Variants in TBX15 observed in about 807,000 individuals in gnomAD.
TBX15 encodes T-box transcription factor TBX15.
In TBX15, 18 loss-of-function variants were observed where a neutral mutation model predicts 53.9. That is an observed-to-expected ratio of 0.33 (90% CI 0.23 to 0.49). The LOEUF is 0.49. Among genes scored for constraint, TBX15 ranks in the 20% least tolerant of loss-of-function variants. TBX15 has a pLI of 0.98. For synonymous variants in TBX15, 295 were observed against 278.0 expected, an observed-to-expected ratio of 1.06 and a Z score of -0.61; for missense variants, 692 against 749.5, an observed-to-expected ratio of 0.92 and a Z score of 0.90.
chr1:118,926,204 C>A (rs1235008210), intron 3 of TBX15, among the ~76,000 whole-genome samples: 2 of 152,188 alleles, frequency 1.3e-5, no homozygotes, highest in Admixed American at 6.5e-5. Flanking sequence ...ATTTCACAAA[C>A]CAAATTATTC....
intron 4 of TBX15, 33 bp from the exon 5 acceptor site, chr1:118,923,636 G>T: frequency 6.2e-7 from 1 of 1,613,492 alleles, no homozygotes; most frequent in South Asian, 1.1e-5. Flanking sequence ...ACCAGGCTTG[G>T]CTTTAAGGAA....
At chr1:118,938,162 C>T (rs1048898565) in intron 1 of TBX15, among the ~76,000 whole-genome samples, 7 of 152,052 alleles carry the variant, frequency 4.6e-5, no homozygotes, top group Non-Finnish European at 4.4e-5. Flanking sequence ...AACTATAACC[C>T]GGGATGGATT....
At chr1:118,989,485 A>G (rs955841030), upstream of TBX15, 1 of 152,152 alleles carries the variant, frequency 6.6e-6, no homozygotes, top group African/African-American at 2.4e-5. Flanking sequence ...AGCGGCCTAG[A>G]CACAGCCCGA....
intron 6 of TBX15, among the ~76,000 whole-genome samples, chr1:118,905,515 C>T (rs1037828777): frequency 6.6e-6 from 1 of 152,166 alleles, no homozygotes; most frequent in Non-Finnish European, 1.5e-5. Flanking sequence ...ACAGCTATGG[C>T]CTGCATGAAA....
At chr1:118,960,231 T>A (rs925405240) in intron 1 of TBX15, among the ~76,000 whole-genome samples, 3 of 152,176 alleles carry the variant, frequency 2.0e-5, no homozygotes, top group Admixed American at 2.0e-4. Flanking sequence ...CTGACGTGAC[T>A]TTCCAACTAA....
intron 6 of TBX15, among the ~76,000 whole-genome samples, chr1:118,905,274 C>A (rs1031033153): frequency 6.6e-6 from 1 of 152,152 alleles, no homozygotes; most frequent in Non-Finnish European, 1.5e-5. Flanking sequence ...CATTATCTTG[C>A]AGATATTTCA....
At chr1:118,906,729 A>G (rs1001873104) in intron 6 of TBX15, among the ~76,000 whole-genome samples, 1 of 152,190 alleles carries the variant, frequency 6.6e-6, no homozygotes, top group African/African-American at 2.4e-5. Flanking sequence ...CCCGTAATGC[A>G]GTGAGTGGCA....
intron 6 of TBX15, among the ~76,000 whole-genome samples, chr1:118,905,112 T>G (rs567915868): frequency 1.3e-5 from 2 of 152,208 alleles, no homozygotes; most frequent in African/African-American, 2.4e-5. Context: ...TAACCTATAA[T>G]AGAAGAATAT....
chr1:118,970,477 T>G (rs1571213950), intron 1 of TBX15, among the ~76,000 whole-genome samples: 1 of 152,252 alleles, frequency 6.6e-6, no homozygotes, highest in Admixed American at 6.5e-5. Context: ...GAAACCGTCT[T>G]GCAAGTCATG....
At chr1:118,970,069 A>T (rs966709792) in intron 1 of TBX15, among the ~76,000 whole-genome samples, 1 of 152,206 alleles carries the variant, frequency 6.6e-6, no homozygotes, top group African/African-American at 2.4e-5. Context: ...TCCTGCTGCC[A>T]TGTGAAGACA....
At chr1:118,900,425 C>T (rs891077779) in intron 6 of TBX15, among the ~76,000 whole-genome samples, 9 of 152,078 alleles carry the variant, frequency 5.9e-5, no homozygotes, top group African/African-American at 2.2e-4. Context: ...TATAGGATAC[C>T]CTGAGGTTCT....
intron 5 of TBX15, 29 bp from the exon 6 acceptor site, chr1:118,914,208 C>T: frequency 6.3e-7 from 1 of 1,597,696 alleles, no homozygotes; most frequent in East Asian, 2.2e-5. Flanking sequence ...GTATGAATTG[C>T]TTTTATATTA....
intron 1 of TBX15, among the ~76,000 whole-genome samples, chr1:118,952,120 C>G (rs1656535161): frequency 6.6e-6 from 1 of 152,172 alleles, no homozygotes. Flanking sequence ...GGATGAAGGC[C>G]TGTGATAATC....
intron 6 of TBX15, among the ~76,000 whole-genome samples, chr1:118,911,930 C>T (rs1655040962): frequency 6.6e-6 from 1 of 152,190 alleles, no homozygotes; most frequent in Non-Finnish European, 1.5e-5. Flanking sequence ...ACCTCTTAAT[C>T]TGATTTATGT....
intron 7 of TBX15, among the ~76,000 whole-genome samples, chr1:118,886,216 C>T (rs1178596752): frequency 6.6e-6 from 1 of 152,212 alleles, no homozygotes; most frequent in Non-Finnish European, 1.5e-5. Flanking sequence ...ACCAGAGGCT[C>T]TGCTGATCTC....
At chr1:118,937,979 C>T (rs553268013) in intron 1 of TBX15, among the ~76,000 whole-genome samples, 1 of 152,246 alleles carries the variant, frequency 6.6e-6, no homozygotes, top group South Asian at 2.1e-4. Flanking sequence ...CAGAGGACCT[C>T]TGCAGTGGAA....
At chr1:118,933,202 A>C (rs1655857916) in intron 1 of TBX15, among the ~76,000 whole-genome samples, 1 of 152,074 alleles carries the variant, frequency 6.6e-6, no homozygotes, top group East Asian at 1.9e-4. Context: ...TTGCAACCCC[A>C]GGCAGCATCT....
At chr1:118,906,763 G>C (rs2101538420) in intron 6 of TBX15, among the ~76,000 whole-genome samples, 1 of 152,254 alleles carries the variant, frequency 6.6e-6, no homozygotes, top group Admixed American at 6.5e-5. Flanking sequence ...AGCATCCTCT[G>C]ACATGTTATG....
intron 1 of TBX15, among the ~76,000 whole-genome samples, chr1:118,956,769 G>A (rs577602170): frequency 3.5e-4 from 51 of 146,420 alleles, no homozygotes; most frequent in South Asian, 2.6e-3. Flanking sequence ...TGGCTAACAC[G>A]GTGAAACCCC....
Sources: allele counts gnomAD v4.1 joint callset (sites outside exome capture counted in the v4.1 genomes callset), GRCh38; gene constraint gnomAD v4.1.1; transcripts MANE v1.5; gene names NCBI Gene and HGNC (gene_info 2026-07-23, HGNC 2026-07-21).